The following HDAC9 variants were observed in gnomAD, a reference collection of about 807,000 sequenced individuals.
HDAC9 encodes the protein MEF-2 interacting transcription repressor (MITR) protein.
HDAC9 carries 41 observed loss-of-function variants against 139.4 expected under a neutral mutation model. The ratio of observed to expected loss-of-function variants is 0.29; its 90% CI spans 0.23 to 0.38. The LOEUF (loss-of-function observed/expected upper bound fraction) is 0.38. Among genes scored for constraint, HDAC9 ranks in the 10% least tolerant of loss-of-function variants. The pLI is 1.00. For synonymous variants in HDAC9, 517 were observed against 476.2 expected (o/e 1.09, Z -1.12); for missense variants, 1,147 against 1,297.0 (o/e 0.88, Z 1.78).
intron 23 of HDAC9, among the ~76,000 whole-genome samples, chr7:18,939,681 C>T (rs2129313517): frequency 6.6e-6 from 1 of 152,242 alleles, no homozygotes; most frequent in African/African-American, 2.4e-5. Context: ...ATGTAGTTTT[C>T]ACAGTAGTTT....
chr7:18,580,257 C>T (rs1009165328), intron 2 of HDAC9, among the ~76,000 whole-genome samples: 35 of 152,134 alleles, frequency 2.3e-4, no homozygotes, highest in African/African-American at 7.5e-4. Context: ...AGAGCTCTTT[C>T]ATTTACAAGT....
At chr7:18,467,978 CTG>C (rs745400913) in intron 1 of HDAC9, among the ~76,000 whole-genome samples, 4 of 152,078 alleles carry the variant, frequency 2.6e-5, no homozygotes, top group Non-Finnish European at 4.4e-5. Flanking sequence ...TGGGTTATAT[CTG>C]TTTTTTTCTT....
At chr7:18,091,313 GTAT>G (rs1782129264) in intron 1 of HDAC9, among the ~76,000 whole-genome samples, 1 of 152,206 alleles carries the variant, frequency 6.6e-6, no homozygotes, top group African/African-American at 2.4e-5. Flanking sequence ...ACCAGAGAGA[GTAT>G]AACGTGTTTC....
At chr7:18,533,959 A>T (rs945059137) in intron 2 of HDAC9, among the ~76,000 whole-genome samples, 3 of 152,092 alleles carry the variant, frequency 2.0e-5, no homozygotes, top group African/African-American at 7.2e-5. Context: ...ATCAAAGTGC[A>T]CCGTTCTTTA....
intron 7 of HDAC9, 133 bp downstream of exon 7, chr7:18,629,614 A>ACTACTTGTGAGTTTTC: frequency 2.2e-6 from 2 of 893,804 alleles, no homozygotes; most frequent in Non-Finnish European, 3.2e-6. Flanking sequence ...ATTATATTGA[A>ACTACTTGTGAGTTTTC]AACTCACAAG....
At chr7:18,531,979 T>C (rs753033622) in intron 2 of HDAC9, among the ~76,000 whole-genome samples, 23 of 152,210 alleles carry the variant, frequency 1.5e-4, no homozygotes, top group Non-Finnish European at 2.8e-4. Flanking sequence ...CTGGGCACAG[T>C]GGCTCAAGCC....
At chr7:18,896,770 C>T (rs532417228) in intron 22 of HDAC9, among the ~76,000 whole-genome samples, 1 of 152,044 alleles carries the variant, frequency 6.6e-6, no homozygotes, top group South Asian at 2.1e-4. Flanking sequence ...GGGTCACACG[C>T]CACTCCTGTG....
intron 1 of HDAC9, among the ~76,000 whole-genome samples, chr7:18,326,621 A>C (rs1192649915): frequency 6.6e-6 from 1 of 152,038 alleles, no homozygotes; most frequent in African/African-American, 2.4e-5. Flanking sequence ...TACATGCTCC[A>C]TCTATAACTG....
At chr7:18,287,514 T>C (rs1008409514), upstream of HDAC9, among the ~76,000 whole-genome samples, 29 of 152,314 alleles carry the variant, frequency 1.9e-4, no homozygotes, top group African/African-American at 7.0e-4. Flanking sequence ...AACTCTTTTT[T>C]AAAAAGGAGG....
chr7:18,299,046 T>G (rs1798346752), intron 1 of HDAC9, among the ~76,000 whole-genome samples: 1 of 152,114 alleles, frequency 6.6e-6, no homozygotes, highest in African/African-American at 2.4e-5. Context: ...ATAAAGATAT[T>G]TATATAATAA....
At chr7:18,751,415 C>T (rs1788436035) in intron 14 of HDAC9, among the ~76,000 whole-genome samples, 1 of 152,238 alleles carries the variant, frequency 6.6e-6, no homozygotes, top group Admixed American at 6.5e-5. Flanking sequence ...GCCACTTTTC[C>T]TAACATAGTT....
At chr7:18,195,796 A>G (rs2128155150) in intron 2 of HDAC9, among the ~76,000 whole-genome samples, 1 of 152,090 alleles carries the variant, frequency 6.6e-6, no homozygotes, top group Non-Finnish European at 1.5e-5. Context: ...CATTCTTTAT[A>G]CTCAATATGT....
rs572802471 is a variant in HDAC9, at chr7:18,982,419, T to G, written c.3170+6466T>G. ...GTCTGTATTAGTAGACTCATACCTA[T>G]AATTCCTGCCTTACTTCTAACATTC... is the stretch of plus-strand genomic sequence containing the variant. On this transcript the variant is annotated intron_variant, in intron 25 of 25. Transcript: ENST00000686413. Among the ~76,000 whole-genome samples, 87 of 152,256 alleles carry G rather than the reference T, an allele frequency of 5.7e-4. 1 individual carries two copies. The South Asian group carries it at 0.018, about 31-fold the overall frequency.
chr7:18,093,578 G>C (rs1782308988), intron 1 of HDAC9, among the ~76,000 whole-genome samples: 1 of 152,150 alleles, frequency 6.6e-6, no homozygotes, highest in African/African-American at 2.4e-5. Flanking sequence ...TAGAGGCTGT[G>C]CATTTTTATT....
chr7:18,720,957 G>C (rs1785101953), intron 12 of HDAC9, among the ~76,000 whole-genome samples: 1 of 152,082 alleles, frequency 6.6e-6, no homozygotes, highest in East Asian at 1.9e-4. Flanking sequence ...TGCGATTATA[G>C]TGTGAGCCGC....
chr7:18,544,614 C>T (rs116427081), intron 2 of HDAC9, among the ~76,000 whole-genome samples: 42 of 152,252 alleles, frequency 2.8e-4, no homozygotes, highest in Non-Finnish European at 2.6e-4. Context: ...TGGGACACTC[C>T]ACCATTTAGG....
At chr7:18,727,549 T>G (rs1785648990) in intron 12 of HDAC9, 31 bp from the exon 13 acceptor site, 1 of 1,556,218 alleles carries the variant, frequency 6.4e-7, no homozygotes, top group Non-Finnish European at 8.7e-7. Context: ...GTCTCACATT[T>G]CTTTCTACTG....
intron 25 of HDAC9, among the ~76,000 whole-genome samples, chr7:18,994,009 A>C (rs1421842934): frequency 6.6e-6 from 1 of 152,220 alleles, no homozygotes; most frequent in Non-Finnish European, 1.5e-5. Flanking sequence ...GTTTCAACCA[A>C]AGAGGCTTAA....
At chr7:18,734,350 G>A (rs963590339) in intron 13 of HDAC9, among the ~76,000 whole-genome samples, 33 of 152,086 alleles carry the variant, frequency 2.2e-4, no homozygotes, top group Non-Finnish European at 4.0e-4. Flanking sequence ...ATTTACATTA[G>A]GTATTTCTCC....
Sources: allele counts gnomAD v4.1 joint callset (sites outside exome capture counted in the v4.1 genomes callset), GRCh38; gene constraint gnomAD v4.1.1; transcripts MANE v1.5; gene names NCBI Gene and HGNC (gene_info 2026-07-23, HGNC 2026-07-21).